Variants in PPM1E observed in about 807,000 individuals in gnomAD.
PPM1E encodes protein phosphatase, Mg2+/Mn2+ dependent 1E, also known as protein phosphatase 1E.
PPM1E carries 20 observed loss-of-function variants against 65.9 expected under a neutral mutation model. The observed-to-expected ratio is 0.30, with a 90% confidence interval of 0.21 to 0.44. The LOEUF (loss-of-function observed/expected upper bound fraction) is 0.44, where lower values mean the gene tolerates loss of function less well. PPM1E is among the 20% of genes least tolerant of loss of function. The pLI, the probability that PPM1E is intolerant of heterozygous loss-of-function variation, is 1.00. For missense variants in PPM1E, 713 were observed against 953.1 expected, an observed-to-expected ratio of 0.75 and a Z score of 3.32; for synonymous variants, 352 against 374.9, an observed-to-expected ratio of 0.94 and a Z score of 0.70.
intron 1 of PPM1E, among the ~76,000 whole-genome samples, chr17:58,818,210 A>G (rs2143126579): frequency 6.6e-6 from 1 of 152,314 alleles, no homozygotes; most frequent in South Asian, 2.1e-4. Context: ...AAGCACATTA[A>G]TTTAACCTCA....
chr17:58,938,851 C>T (rs929375276), intron 1 of PPM1E, among the ~76,000 whole-genome samples: 6 of 144,222 alleles, frequency 4.2e-5, no homozygotes, highest in East Asian at 2.0e-4. Context: ...TGCAATGGCG[C>T]GATCTTGACT....
At chr17:58,816,735 AATATAAATATAT>A (rs2050418363) in intron 1 of PPM1E, among the ~76,000 whole-genome samples, 1 of 111,814 alleles carries the variant, frequency 8.9e-6, no homozygotes, top group Admixed American at 1.2e-4. Flanking sequence ...CATGTATCAG[AATATAAATATAT>A]ATATATATAT....
At chr17:58,908,445 C>CT (rs36031654) in intron 1 of PPM1E, among the ~76,000 whole-genome samples, 43 of 144,742 alleles carry the variant, frequency 3.0e-4, no homozygotes, top group East Asian at 4.0e-4. Flanking sequence ...TCTTTTTATA[C>CT]TTTTTTTTTT....
intron 1 of PPM1E, among the ~76,000 whole-genome samples, chr17:58,775,453 T>G (rs1281764433): frequency 1.3e-5 from 2 of 152,136 alleles, no homozygotes; most frequent in African/African-American, 4.8e-5. Context: ...TAGCAATTTG[T>G]TTGATTTTGT....
chr17:58,774,242 A>C (rs1445585597), intron 1 of PPM1E, among the ~76,000 whole-genome samples: 4 of 152,026 alleles, frequency 2.6e-5, no homozygotes, highest in African/African-American at 7.2e-5. Flanking sequence ...GAATGTAAGA[A>C]TCCAAATTAA....
At chr17:58,889,389 A>G (rs2051318505) in intron 1 of PPM1E, among the ~76,000 whole-genome samples, 1 of 152,166 alleles carries the variant, frequency 6.6e-6, no homozygotes, top group Non-Finnish European at 1.5e-5. Flanking sequence ...TCACGAGGTC[A>G]GGAGTTCAAG....
chr17:58,971,394 T>C (rs141615675), intron 4 of PPM1E, among the ~76,000 whole-genome samples: 1 of 152,318 alleles, frequency 6.6e-6, no homozygotes, highest in Non-Finnish European at 1.5e-5. Flanking sequence ...CAGAAAGTCA[T>C]GCTCATTTGG....
intron 1 of PPM1E, among the ~76,000 whole-genome samples, chr17:58,819,729 C>T (rs1167254283): frequency 6.6e-6 from 1 of 151,824 alleles, no homozygotes; most frequent in African/African-American, 2.4e-5. Context: ...GAGGGAGGTG[C>T]TACATGCTTT....
At chr17:58,816,759 TATATATATATATATATATATATATATATA>T in intron 1 of PPM1E, among the ~76,000 whole-genome samples, 1 of 4,970 alleles carries the variant, frequency 2.0e-4, no homozygotes, top group African/African-American at 1.2e-3. Flanking sequence ...TATATATATA[TATATATATATATATATATATATATATATA>T]TATATATTTT....
At chr17:58,893,914 A>G (rs1441822469) in intron 1 of PPM1E, among the ~76,000 whole-genome samples, 1 of 152,022 alleles carries the variant, frequency 6.6e-6, no homozygotes, top group Non-Finnish European at 1.5e-5. Context: ...CTGCAAAAAT[A>G]ATTTTAAAAA....
chr17:58,774,297 T>C (rs1005649050), intron 1 of PPM1E, among the ~76,000 whole-genome samples: 10 of 152,110 alleles, frequency 6.6e-5, no homozygotes, highest in Non-Finnish European at 1.3e-4. Flanking sequence ...TGGTAAAAAT[T>C]ATAAACATTA....
intron 1 of PPM1E, among the ~76,000 whole-genome samples, chr17:58,816,896 A>G (rs2050431884): frequency 6.7e-6 from 1 of 148,712 alleles, no homozygotes. Context: ...CCCAGGCCCG[A>G]GTGATCCTCC....
intron 1 of PPM1E, among the ~76,000 whole-genome samples, chr17:58,774,068 A>G (rs1249926632): frequency 3.3e-5 from 5 of 152,012 alleles, no homozygotes; most frequent in Admixed American, 3.3e-4. Context: ...AGGCTGAGGC[A>G]GGAGAATCAC....
At chr17:58,894,533 A>G (rs1179980447) in intron 1 of PPM1E, among the ~76,000 whole-genome samples, 2 of 152,176 alleles carry the variant, frequency 1.3e-5, no homozygotes, top group Admixed American at 6.5e-5. Flanking sequence ...ATTTTGCACC[A>G]TCAGTGAAAA....
chr17:58,945,961 C>T (rs1450440994), intron 1 of PPM1E, among the ~76,000 whole-genome samples: 1 of 152,234 alleles, frequency 6.6e-6, no homozygotes, highest in Admixed American at 6.5e-5. Flanking sequence ...GGCTTCATCA[C>T]GTAGGCATGT....
At chr17:58,949,385 C>G (rs1260470067) in intron 1 of PPM1E, among the ~76,000 whole-genome samples, 2 of 152,062 alleles carry the variant, frequency 1.3e-5, no homozygotes, top group South Asian at 4.1e-4. Context: ...CTGTGTATAT[C>G]CTTATAGATG....
intron 1 of PPM1E, among the ~76,000 whole-genome samples, chr17:58,930,118 G>A (rs993580873): frequency 7.9e-5 from 12 of 152,122 alleles, no homozygotes; most frequent in African/African-American, 2.9e-4. Context: ...TATCTGGGCT[G>A]GGCGCGGTGG....
At chr17:58,863,442 T>A (rs2050964190) in intron 1 of PPM1E, among the ~76,000 whole-genome samples, 2 of 152,286 alleles carry the variant, frequency 1.3e-5, no homozygotes, top group Non-Finnish European at 2.9e-5. Context: ...AGGATCCAAG[T>A]GTGTTACAAT....
At chr17:58,929,034 A>G (rs1056217945) in intron 1 of PPM1E, among the ~76,000 whole-genome samples, 4 of 152,146 alleles carry the variant, frequency 2.6e-5, no homozygotes, top group African/African-American at 7.2e-5. Flanking sequence ...AGCTTTATTC[A>G]TCATGGCCCC....
Sources: gnomAD v4.1 joint callset for allele counts (sites outside exome capture counted in the v4.1 genomes callset) on GRCh38, gnomAD v4.1.1 for gene constraint, MANE v1.5 for transcripts, NCBI Gene and HGNC (gene_info 2026-07-23, HGNC 2026-07-21) for gene names.